Variants in TECR observed in about 807,000 individuals in gnomAD.
The protein encoded by TECR is very-long-chain enoyl-CoA reductase.
Under a neutral mutation model 50.6 loss-of-function variants are expected in TECR, and 19 were observed. That is an observed-to-expected ratio of 0.38 (90% confidence interval 0.26 to 0.55). The LOEUF (loss-of-function observed/expected upper bound fraction) is 0.55, where lower values mean the gene tolerates loss of function less well. Ranked by LOEUF, TECR falls within the 20% of genes least tolerant of loss-of-function variation. The probability of loss-of-function intolerance (pLI) is 0.79; values close to 1 mark genes in which losing one functional copy is unlikely to be tolerated. For missense variants in TECR, 313 were observed against 408.3 expected (o/e 0.77, Z 2.01); for synonymous variants, 168 against 163.5 (o/e 1.03, Z -0.21).
intron 1 of TECR, among the ~76,000 whole-genome samples, chr19:14,543,288 AGGGTG>A (rs1451947163): frequency 2.2e-5 from 2 of 89,040 alleles, no homozygotes; most frequent in Non-Finnish European, 4.6e-5. Flanking sequence ...AGGATTGCAG[AGGGTG>A]GGGTGGGGGT....
chr19:14,563,623 G>A lies in TECR; in HGVS notation c.119-35G>A. 6.2e-7 allele frequency: 1 copy of A among 1,610,434 alleles called. No homozygotes were observed. The highest frequency in any genetic ancestry group is 8.5e-7 in the Non-Finnish European group (1 of 1,179,764). On this transcript the variant is annotated intron_variant, in intron 3 of 12. Transcript: ENST00000215567. This position sits in a 1 kb window ranked among gnomAD's most constrained non-coding sequence, Gnocchi z 5.3. ...GCAGCGGACCGGCTGAGCCCTGCCA[G>A]GCTGTGGGCTGTAACTGCCCTGTTC...
At chr19:14,554,330 A>G (rs2073643465) in intron 1 of TECR, among the ~76,000 whole-genome samples, 3 of 152,168 alleles carry the variant, frequency 2.0e-5, no homozygotes, top group Admixed American at 2.0e-4. Flanking sequence ...TAGGACACAC[A>G]GAAGTTTCAG....
chr19:14,553,517 G>A (rs926438399), intron 1 of TECR, among the ~76,000 whole-genome samples: 4 of 152,150 alleles, frequency 2.6e-5, no homozygotes, highest in Non-Finnish European at 5.9e-5. Context: ...TGGGGAAGGT[G>A]GTATTTCTGG....
chr19:14,557,114 C>CTTATTTATTTAT (rs3050003), intron 1 of TECR, among the ~76,000 whole-genome samples: 33,679 of 140,022 alleles, frequency 0.24, 4,453 homozygotes, highest in Non-Finnish European at 0.28. Context: ...TTGGTCTAAT[C>CTTATTTATTTAT]TTATTTATTT....
Position 14,565,730 on chromosome 19 carries a change from G to A in TECR, c.800-14G>A, listed in dbSNP as rs774441217. The A allele has an allele frequency of 1.9e-6, 3 of 1,612,188 alleles. No homozygotes were observed. The highest frequency in any genetic ancestry group is 1.1e-5 in the South Asian group (1 of 91,000). On this transcript the variant is annotated splice_polypyrimidine_tract_variant and intron_variant, in intron 12 of 12. Transcript: ENST00000215567. ...GGCCGGCAGCCCCTCCCTGACGCCC[G>A]TTCTTTCCTGCAGTGGCCCTGTTCT... is the stretch of plus-strand genomic sequence containing the variant.
At chr19:14,553,996 C>T (rs1312996614) in intron 1 of TECR, among the ~76,000 whole-genome samples, 1 of 152,146 alleles carries the variant, frequency 6.6e-6, no homozygotes, top group South Asian at 2.1e-4. Context: ...CAGTCCCCTG[C>T]GGGGTCCGAG....
chr19:14,548,241 G>C (rs12460232), intron 1 of TECR, among the ~76,000 whole-genome samples: 28,936 of 151,930 alleles, frequency 0.19, 3,346 homozygotes, highest in South Asian at 0.42. Flanking sequence ...GATTACAGGT[G>C]TGAGCCACTG....
intron 1 of TECR, among the ~76,000 whole-genome samples, chr19:14,548,532 C>T (rs1020657972): frequency 4.6e-5 from 7 of 152,320 alleles, no homozygotes; most frequent in African/African-American, 1.4e-4. Context: ...TAGCAAAGAT[C>T]TTAGGCTTTG....
At chr19:14,565,438 T>A in intron 11 of TECR, 148 bp downstream of exon 11, 1 of 1,347,640 alleles carries the variant, frequency 7.4e-7, no homozygotes, top group Non-Finnish European at 1.0e-6. Context: ...CTCTCTGCTG[T>A]GGTGGCGGGG....
chr19:14,540,014 G>A lies in TECR; in HGVS notation c.15+10303G>A, dbSNP rs188203004. On this transcript the variant is annotated intron_variant, in intron 1 of 12. Coordinates refer to ENST00000215567, the MANE Select transcript of TECR (RefSeq NM_138501.6). ...CCTGCCTCAGCCTCCTGAGTAGCTG[G>A]GATTACAGGTACCCGCCACCATGCC... Among the ~76,000 whole-genome samples the A allele has an allele frequency of 2.1e-3, 324 of 151,424 alleles. 3 individuals are homozygous for A. Among genetic ancestry groups the A allele is most frequent in the African/African-American group, 7.8e-3 (323 of 41,270 alleles).
intron 1 of TECR, among the ~76,000 whole-genome samples, chr19:14,557,008 C>G (rs1024030505): frequency 6.6e-6 from 1 of 152,124 alleles, no homozygotes; most frequent in Admixed American, 6.6e-5. Context: ...TGGATGGGCC[C>G]CTTCAAGAGC....
chr19:14,565,218 G>A lies in TECR; in HGVS notation c.681G>A (p.Lys227=), dbSNP rs2074040392. The change falls in exon 11 of 13, where the codon AAG becomes AAA. Residue 227 remains lysine (K), a synonymous_variant. Coordinates refer to ENST00000215567, the MANE Select transcript of TECR (RefSeq NM_138501.6). ...GCCTGCCAGGGTCCAAGACGCGGAA[G>A]ATCCCATACCCCACCAAGAACCCCT... ...DLRPAGSKTR[K]IPYPTKNPFT... The A allele has an allele frequency of 6.2e-7, 1 of 1,614,064 alleles. No homozygotes were observed. Among genetic ancestry groups the A allele is most frequent in the South Asian group, 1.1e-5 (1 of 91,080 alleles).
At chr19:14,556,413 A>AAAAAAAAAAAAC (rs142293376) in intron 1 of TECR, among the ~76,000 whole-genome samples, 5 of 86,634 alleles carry the variant, frequency 5.8e-5, no homozygotes, top group African/African-American at 1.6e-4. Context: ...TCTCTCAAAA[A>AAAAAAAAAAAAC]AAAAACAAAA....
intron 1 of TECR, among the ~76,000 whole-genome samples, chr19:14,545,502 C>T (rs1422562206): frequency 7.2e-5 from 11 of 152,166 alleles, no homozygotes. Flanking sequence ...CACCAGCAAG[C>T]CTAGGGGGTG....
At chr19:14,546,860 T>C (rs1042296112) in intron 1 of TECR, among the ~76,000 whole-genome samples, 1 of 152,130 alleles carries the variant, frequency 6.6e-6, no homozygotes, top group African/African-American at 2.4e-5. Flanking sequence ...CAGCTAACTT[T>C]AGTATTTTTA....
chr19:14,554,814 C>G (rs1007747873), intron 1 of TECR, among the ~76,000 whole-genome samples: 4 of 151,968 alleles, frequency 2.6e-5, no homozygotes, highest in Admixed American at 1.3e-4. Context: ...GAGTTTCACT[C>G]TGTCACCAGG....
intron 11 of TECR, 91 bp from the exon 12 acceptor site, chr19:14,565,527 A>G (rs1599509074): frequency 3.9e-6 from 6 of 1,538,554 alleles, no homozygotes; most frequent in Admixed American, 1.9e-5. Flanking sequence ...CTCAGAAAGC[A>G]GGGGCGGCGG....
At chr19:14,544,068 A>G (rs1341507605) in intron 1 of TECR, among the ~76,000 whole-genome samples, 1 of 152,068 alleles carries the variant, frequency 6.6e-6, no homozygotes, top group Non-Finnish European at 1.5e-5. Flanking sequence ...TCTCCCAGCC[A>G]GGGGTGGGGG....
chr19:14,565,406 A>G (rs1189886023), intron 11 of TECR, 116 bp downstream of exon 11: 3 of 1,426,978 alleles, frequency 2.1e-6, no homozygotes, highest in South Asian at 1.2e-5. Context: ...CACTGCGAGC[A>G]TTGGGAGGTG....
Sources: gnomAD v4.1 joint callset for allele counts (sites outside exome capture counted in the v4.1 genomes callset) on GRCh38, gnomAD v4.1.1 for gene constraint, Gnocchi (gnomAD v3.1) non-coding constraint, MANE v1.5 for transcripts, NCBI Gene and HGNC (gene_info 2026-07-23, HGNC 2026-07-21) for gene names.